The following DYNC1I2 variants were observed in gnomAD, a reference collection of about 807,000 sequenced individuals.
DYNC1I2 encodes the protein cytoplasmic dynein 1 intermediate chain 2.
Under a neutral mutation model 88.6 loss-of-function variants are expected in DYNC1I2, and 53 were observed. That is an observed-to-expected ratio of 0.60 (90% CI 0.48 to 0.75). DYNC1I2 has a LOEUF of 0.75. DYNC1I2 is among the 30% of genes least tolerant of loss of function. The pLI is 0.00. For synonymous variants in DYNC1I2, 198 were observed against 254.6 expected (o/e 0.78, Z 2.12); for missense variants, 458 against 766.6 (o/e 0.60, Z 4.75).
intron 3 of DYNC1I2, among the ~76,000 whole-genome samples, chr2:171,700,448 T>A (rs972600021): frequency 6.6e-5 from 10 of 152,068 alleles, no homozygotes; most frequent in African/African-American, 2.4e-4. Flanking sequence ...TTTTGAGGGA[T>A]TTTCTGAGAG....
intron 7 of DYNC1I2, among the ~76,000 whole-genome samples, chr2:171,724,178 G>T (rs1012371957): frequency 2.6e-5 from 4 of 152,178 alleles, no homozygotes; most frequent in African/African-American, 9.7e-5. Flanking sequence ...TAAGTTGGAG[G>T]TTGTATCATT....
At position 171,726,216 on chromosome 2, in the gene DYNC1I2, CTG is replaced by C. The variant is rs1429506785; in HGVS notation, c.795_796del (p.Ser266IlefsTer7). ...TAGAGAGATTCAAGCAGGTGCTAAA[CTG>C]TCATTAAATCGACAATTTTTTGACG... ...KEGEIQAGAK[L>X]SLNRQFFDER... On this transcript the variant is annotated frameshift_variant, in exon 10 of 18. Transcript: ENST00000397119. LOFTEE classifies it high-confidence loss of function. The C allele has an allele frequency of 1.2e-6, 2 of 1,612,036 alleles. No individual in the cohort carries two copies. Among genetic ancestry groups the C allele is most frequent in the South Asian group, 1.1e-5 (1 of 90,644 alleles).
intron 7 of DYNC1I2, among the ~76,000 whole-genome samples, chr2:171,721,711 T>A (rs1387931290): frequency 2.0e-5 from 3 of 152,166 alleles, no homozygotes; most frequent in Admixed American, 6.5e-5. Flanking sequence ...ATACCAGGAA[T>A]AACCAGACTA....
At chr2:171,694,140 C>T (rs992301795) in intron 3 of DYNC1I2, among the ~76,000 whole-genome samples, 1 of 151,676 alleles carries the variant, frequency 6.6e-6, no homozygotes, top group African/African-American at 2.4e-5. Context: ...TGGGTTCAAG[C>T]GATTCTTCTG....
chr2:171,736,486 T>G (rs983538460), intron 15 of DYNC1I2, among the ~76,000 whole-genome samples: 8 of 152,184 alleles, frequency 5.3e-5, no homozygotes, highest in African/African-American at 1.9e-4. Flanking sequence ...GAAGCCAAAT[T>G]ATAATCAGAA....
chr2:171,740,114 A>AGTTGGTCC (rs779206606), intron 15 of DYNC1I2, among the ~76,000 whole-genome samples: 82 of 152,194 alleles, frequency 5.4e-4, no homozygotes, highest in Non-Finnish European at 9.6e-4. Flanking sequence ...GTGTCTGTCA[A>AGTTGGTCC]GTTGGTCCTG....
intron 3 of DYNC1I2, among the ~76,000 whole-genome samples, chr2:171,693,696 C>A (rs551940196): frequency 6.6e-6 from 1 of 152,264 alleles, no homozygotes; most frequent in Admixed American, 6.5e-5. Flanking sequence ...GTCCTTAGAG[C>A]TGATATTTCT....
chr2:171,718,656 A>G (rs1445430837), intron 7 of DYNC1I2, among the ~76,000 whole-genome samples: 3 of 151,022 alleles, frequency 2.0e-5, no homozygotes, highest in Non-Finnish European at 4.4e-5. Flanking sequence ...GATGGTCTCG[A>G]TCTCCTGACC....
At chr2:171,724,470 C>G (rs1386772878) in intron 7 of DYNC1I2, among the ~76,000 whole-genome samples, 2 of 152,188 alleles carry the variant, frequency 1.3e-5, no homozygotes. Context: ...CCATTGCCAC[C>G]TTGTAGCAGA....
intron 1 of DYNC1I2, among the ~76,000 whole-genome samples, chr2:171,689,094 A>G (rs1434238616): frequency 6.6e-6 from 1 of 152,174 alleles, no homozygotes; most frequent in Non-Finnish European, 1.5e-5. Flanking sequence ...CTCAGATTGT[A>G]ATTGTGTCTA....
chr2:171,745,768 T>G (rs533145234), intron 16 of DYNC1I2, 34 bp from the exon 17 acceptor site: 1 of 1,603,734 alleles, frequency 6.2e-7, no homozygotes, highest in Admixed American at 1.7e-5. Context: ...TTGATGAAAC[T>G]TTTAACACTG....
chr2:171,720,512 T>C (rs945762000), intron 7 of DYNC1I2, among the ~76,000 whole-genome samples: 1 of 152,162 alleles, frequency 6.6e-6, no homozygotes, highest in African/African-American at 2.4e-5. Context: ...GTGGGGCAGA[T>C]CACCAGAGGT....
At chr2:171,690,551 T>G (rs971453800) in intron 2 of DYNC1I2, among the ~76,000 whole-genome samples, 2 of 152,248 alleles carry the variant, frequency 1.3e-5, no homozygotes, top group South Asian at 2.1e-4. Flanking sequence ...TATAGATTGA[T>G]GCATTTCTAA....
chr2:171,718,794 T>G (rs1032347633), intron 7 of DYNC1I2, among the ~76,000 whole-genome samples: 3 of 152,180 alleles, frequency 2.0e-5, no homozygotes, highest in African/African-American at 7.2e-5. Context: ...TGCCTACCAC[T>G]TATCAGGCAT....
chr2:171,720,511 A>G (rs567668967), intron 7 of DYNC1I2, among the ~76,000 whole-genome samples: 1 of 152,008 alleles, frequency 6.6e-6, no homozygotes, highest in East Asian at 1.9e-4. Flanking sequence ...GGTGGGGCAG[A>G]TCACCAGAGG....
intron 5 of DYNC1I2, among the ~76,000 whole-genome samples, chr2:171,707,606 C>T (rs950856458): frequency 2.6e-5 from 4 of 151,898 alleles, no homozygotes; most frequent in African/African-American, 9.7e-5. Flanking sequence ...ACTAAATAGT[C>T]AACCGGTTTT....
At chr2:171,715,303 T>G (rs1214811798) in intron 6 of DYNC1I2, 25 bp from the exon 7 acceptor site, 1 of 1,402,572 alleles carries the variant, frequency 7.1e-7, no homozygotes, top group East Asian at 2.5e-5. Context: ...GTTAAAATTG[T>G]GTTGTTTGTA....
At chr2:171,712,700 A>T in intron 5 of DYNC1I2, 67 bp from the exon 6 acceptor site, 1 of 1,079,032 alleles carries the variant, frequency 9.3e-7, no homozygotes, top group South Asian at 1.3e-5. Flanking sequence ...TATTCATAGA[A>T]TGTATTTGCT....
Position 171,745,828 on chromosome 2 carries a change from G to A in DYNC1I2, c.1704G>A (p.Glu568=), listed in dbSNP as rs1476377812. 17 of 1,613,618 alleles carry A rather than the reference G, an allele frequency of 1.1e-5. No individual in the cohort carries two copies. The highest frequency in any genetic ancestry group is 3.3e-5 in the Admixed American group (2 of 60,004). Residue 568 remains glutamate, a synonymous_variant, in exon 17 of 18, where the codon GAG becomes GAA. Transcript: ENST00000397119. ...TACCAACTGCCAGCATTTCTGTGGA[G>A]GGTAATCCTGCTCTTAATCGTGTGA... is the stretch of plus-strand genomic sequence containing the variant. ...TEVPTASISV[E]GNPALNRVRW... is the part of the protein sequence containing the mutation.
Sources: allele counts gnomAD v4.1 joint callset (sites outside exome capture counted in the v4.1 genomes callset), GRCh38; gene constraint gnomAD v4.1.1; transcripts MANE v1.5; gene names NCBI Gene and HGNC (gene_info 2026-07-23, HGNC 2026-07-21).